GBF1: variants seen among roughly 807,000 people sequenced by gnomAD.
GBF1 encodes Golgi-specific brefeldin A-resistance guanine nucleotide exchange factor 1.
A neutral mutation model predicts 210.5 loss-of-function variants in GBF1; 114 were observed. The observed-to-expected ratio is 0.54, with a 90% CI of 0.47 to 0.63. GBF1 has a LOEUF of 0.63. GBF1 is among the 30% of genes least tolerant of loss of function. GBF1 has a pLI of 0.00. For missense variants in GBF1, 1,851 were observed against 2,357.7 expected (o/e 0.79, Z 4.45); for synonymous variants, 850 against 889.2 (o/e 0.96, Z 0.78).
rs763789399 is a variant in GBF1, at chr10:102,370,386, T to C, written c.3414T>C (p.Ala1138=). The change falls in exon 28 of 40, where the codon GCT becomes GCC. Residue 1138 remains alanine, a splice_region_variant and synonymous_variant. Coordinates refer to ENST00000369983, the MANE Select transcript of GBF1 (RefSeq NM_001377137.1). ...TTCCTGCTGCTGTTCCCCTTCAGGC[T>C]CTGGTCTCAGTGACACCAGATGAAG... is the stretch of plus-strand genomic sequence containing the variant. The part of the protein sequence containing the change: ...QLESLQELMK[A]LVSVTPDEET... The C allele has an allele frequency of 6.2e-7, 1 of 1,607,740 alleles. No homozygotes were observed. Among genetic ancestry groups the C allele is most frequent in the South Asian group, 1.1e-5 (1 of 90,958 alleles).
intron 4 of GBF1, among the ~76,000 whole-genome samples, chr10:102,344,666 A>G (rs113276657): frequency 6.6e-6 from 1 of 151,618 alleles, no homozygotes; most frequent in South Asian, 2.1e-4. Flanking sequence ...ATTTTTAGTA[A>G]AGACGGGGTT....
At chr10:102,359,195 A>T in intron 10 of GBF1, 72 bp from the exon 11 acceptor site, 1 of 1,032,244 alleles carries the variant, frequency 9.7e-7, no homozygotes, top group Non-Finnish European at 1.5e-6. Flanking sequence ...GAAGACAGCT[A>T]CTTCAGGGGA....
intron 1 of GBF1, among the ~76,000 whole-genome samples, chr10:102,247,200 T>C (rs2070950256): frequency 6.6e-6 from 1 of 152,170 alleles, no homozygotes; most frequent in South Asian, 2.1e-4. Context: ...CTAACTCAAT[T>C]TTTCCTACCT....
the GBF1 span, among the ~76,000 whole-genome samples, chr10:102,237,709 A>G: frequency 6.6e-6 from 1 of 152,192 alleles, no homozygotes; most frequent in Admixed American, 6.5e-5. Flanking sequence ...AAATGCAAAC[A>G]AATTTTTCGT....
At chr10:102,239,815 A>G in the GBF1 span, among the ~76,000 whole-genome samples, 1 of 152,178 alleles carries the variant, frequency 6.6e-6, no homozygotes, top group Non-Finnish European at 1.5e-5. Flanking sequence ...GTCAGGGTGG[A>G]TGGTCACTGT....
chr10:102,328,435 C>T (rs192699326), intron 3 of GBF1, among the ~76,000 whole-genome samples: 23 of 152,076 alleles, frequency 1.5e-4, no homozygotes, highest in Non-Finnish European at 2.8e-4. Context: ...TGCAGTGAGC[C>T]GAGACTGTGC....
intron 3 of GBF1, among the ~76,000 whole-genome samples, chr10:102,280,453 A>G (rs1183721575): frequency 6.6e-6 from 1 of 152,142 alleles, no homozygotes; most frequent in African/African-American, 2.4e-5. Flanking sequence ...ATGTGACTTG[A>G]TAGCCTGATC....
chr10:102,335,217 C>T (rs151195466), intron 3 of GBF1, among the ~76,000 whole-genome samples: 66 of 152,218 alleles, frequency 4.3e-4, no homozygotes, highest in African/African-American at 1.4e-3. Context: ...GTTAGATTTC[C>T]CCTCCTTGTG....
upstream of GBF1, among the ~76,000 whole-genome samples, chr10:102,243,045 G>A (rs969399364): frequency 6.6e-6 from 1 of 151,900 alleles, no homozygotes; most frequent in Non-Finnish European, 1.5e-5. Context: ...TAAAGGTCAA[G>A]CTCCCTAGCC....
chr10:102,326,103 ATC>A (rs1396932440), intron 3 of GBF1, among the ~76,000 whole-genome samples: 1 of 152,164 alleles, frequency 6.6e-6, no homozygotes, highest in Non-Finnish European at 1.5e-5. Flanking sequence ...GGAACTAAAG[ATC>A]TGTCTTACTT....
At chr10:102,310,425 A>G (rs2078304363) in intron 3 of GBF1, among the ~76,000 whole-genome samples, 4 of 152,164 alleles carry the variant, frequency 2.6e-5, no homozygotes, top group Admixed American at 2.6e-4. Flanking sequence ...CTACGCCTGT[A>G]TTAGTTGAGA....
In GBF1 at chr10:102,381,111, T is replaced by TCAC. The variant is rs1565191703; in HGVS notation, c.5174-15_5174-14insACC. The TCAC allele has an allele frequency of 6.2e-7, 1 of 1,612,586 alleles. No individual in the cohort carries two copies. The highest frequency in any genetic ancestry group is 1.7e-5 in the Admixed American group (1 of 59,914). ...AAGCACTAAGAGGTGCCATCTCAAT[T>TCAC]CTCTACCGTCTCCAGACCCCATGCC... is the stretch of plus-strand genomic sequence containing the variant. On this transcript the variant is annotated splice_polypyrimidine_tract_variant and intron_variant, in intron 38 of 39. Coordinates refer to ENST00000369983, the MANE Select transcript of GBF1 (RefSeq NM_001377137.1).
the GBF1 span, chr10:102,231,890 GC>G: frequency 6.4e-7 from 1 of 1,555,964 alleles, no homozygotes; most frequent in Non-Finnish European, 8.8e-7. Context: ...CACCGGGGCT[GC>G]CCAGCCGGGG....
intron 3 of GBF1, among the ~76,000 whole-genome samples, chr10:102,279,921 C>A (rs1374832519): frequency 1.3e-5 from 2 of 152,108 alleles, no homozygotes; most frequent in African/African-American, 4.8e-5. Context: ...GAGTTTGAAA[C>A]CAGCCTGAGT....
chr10:102,371,710 C>A (rs888709894), intron 29 of GBF1, among the ~76,000 whole-genome samples: 1 of 152,196 alleles, frequency 6.6e-6, no homozygotes, highest in Non-Finnish European at 1.5e-5. Flanking sequence ...GGGCAGATCA[C>A]TTGAGGTCAG....
chr10:102,379,504 C>G lies in GBF1; in HGVS notation c.4646-17C>G. On this transcript the variant is annotated splice_polypyrimidine_tract_variant and intron_variant, in intron 34 of 39. Transcript: ENST00000369983. ...ATCAAGATGCCTGAAGGATCCTGAC[C>G]CTGCTCTTGCTCTCAGGTATTGCCT... The G allele has an allele frequency of 6.2e-7, 1 of 1,614,048 alleles. No homozygotes were observed. The highest frequency in any genetic ancestry group is 8.5e-7 in the Non-Finnish European group (1 of 1,180,004).
At chr10:102,261,403 G>A (rs571300314) in intron 3 of GBF1, among the ~76,000 whole-genome samples, 1 of 152,112 alleles carries the variant, frequency 6.6e-6, no homozygotes, top group African/African-American at 2.4e-5. Context: ...AAGGGCTCCT[G>A]CAGTGTATAA....
chr10:102,379,889 A>T lies in GBF1; in HGVS notation c.4813A>T (p.Ile1605Phe). 6.2e-7 allele frequency: 1 copy of T among 1,613,904 alleles called. No homozygotes were observed. Among genetic ancestry groups the T allele is most frequent in the Non-Finnish European group, 8.5e-7 (1 of 1,179,836 alleles). ...TCTACTTACCAAGCTCTTGGAGAAC[A>T]TCAGCCCTGCAGATGTGGGTGGGAT... is the stretch of plus-strand genomic sequence containing the variant. ...FPLLTKLLEN[I>F]SPADVGGMEE... Residue 1605 changes from isoleucine (I) to phenylalanine (F), a missense_variant, in exon 36 of 40, where the codon ATC (isoleucine) becomes TTC (phenylalanine). This residue lies in a region of GBF1 where 967 missense variants were observed against 1,247.7 expected (regional missense o/e 0.78). Coordinates refer to ENST00000369983, the MANE Select transcript of GBF1 (RefSeq NM_001377137.1).
chr10:102,273,602 G>A lies in GBF1; in HGVS notation c.163+13486G>A, dbSNP rs922846705. Among the ~76,000 whole-genome samples, 7 of 152,192 alleles carry A rather than the reference G, an allele frequency of 4.6e-5. No homozygotes were observed. In the South Asian group the frequency reaches 1.2e-3, roughly 27 times the overall value. On this transcript the variant is annotated intron_variant, in intron 3 of 39. Coordinates refer to ENST00000369983, the MANE Select transcript of GBF1 (RefSeq NM_001377137.1). ...GGCAAGGAGTCAAGGAGGATATTGA[G>A]TCAGGGTGCCCTTCTCACCATTTTC... is the stretch of plus-strand genomic sequence containing the variant.
Sources: gnomAD v4.1 joint callset for allele counts (sites outside exome capture counted in the v4.1 genomes callset) on GRCh38, gnomAD v4.1.1 for gene constraint, gnomAD v4.1.1 regional missense constraint, MANE v1.5 for transcripts, NCBI Gene and HGNC (gene_info 2026-07-23, HGNC 2026-07-21) for gene names.